P2RY8: variants seen among roughly 807,000 people sequenced by gnomAD.
P2RY8 encodes the protein P2Y receptor family member 8, also known as S-geranylgeranyl-glutathione receptor P2RY8.
Under a neutral mutation model 10.0 loss-of-function variants are expected in P2RY8, and 6 were observed. The observed-to-expected ratio is 0.60, with a 90% CI of 0.33 to 1.19. The LOEUF is 1.19. Ranked by LOEUF, P2RY8 falls within the 50% of genes most tolerant of loss-of-function variation. P2RY8 has a pLI of 0.04. For missense variants in P2RY8, 456 were observed against 542.0 expected (o/e 0.84, Z 1.58); for synonymous variants, 276 against 252.5 (o/e 1.09, Z -0.88).
intron 1 of P2RY8, among the ~76,000 whole-genome samples, chrX:1,499,170 T>G (rs1460237407): frequency 6.9e-6 from 1 of 144,654 alleles, no homozygotes; most frequent in Non-Finnish European, 1.5e-5. Context: ...TTTCTTTTTT[T>G]TTTTTTTTTT....
intron 1 of P2RY8, among the ~76,000 whole-genome samples, chrX:1,504,209 G>A (rs4492546): frequency 0.48 from 72,604 of 150,334 alleles, 19,586 homozygotes; most frequent in Non-Finnish European, 0.61. Flanking sequence ...CCAGCTACTC[G>A]GGAGGCTGAG....
intron 1 of P2RY8, among the ~76,000 whole-genome samples, chrX:1,529,110 G>A (rs1169797121): frequency 6.6e-6 from 1 of 152,174 alleles, no homozygotes; most frequent in Non-Finnish European, 1.5e-5. Flanking sequence ...ACACAGCGGG[G>A]CCCTTGGTCT....
intron 1 of P2RY8, among the ~76,000 whole-genome samples, chrX:1,477,672 C>T (rs186468273): frequency 2.0e-5 from 3 of 152,246 alleles, no homozygotes; most frequent in African/African-American, 4.8e-5. Flanking sequence ...CCCAGGGACA[C>T]TGCTCAACAC....
chrX:1,494,708 C>T (rs1228640886), intron 1 of P2RY8, among the ~76,000 whole-genome samples: 5 of 151,978 alleles, frequency 3.3e-5, no homozygotes, highest in African/African-American at 1.2e-4. Flanking sequence ...TCCATAGTCA[C>T]TATTTGTTTT....
In P2RY8 at chrX:1,525,396, A is replaced by T. The variant is rs1439450226; in HGVS notation, c.-25+11525T>A. ...CTTCTAAGAAGAGACTGGGACGCAG[A>T]CATGCACAGAGGGAAGATTGCTGTG... On this transcript the variant is annotated intron_variant, in intron 1 of 1. Coordinates refer to ENST00000381297, the MANE Select transcript of P2RY8 (RefSeq NM_178129.5). Among the ~76,000 whole-genome samples, 5 of 152,204 alleles carry T rather than the reference A, an allele frequency of 3.3e-5. No individual in the cohort carries two copies. In the East Asian group the frequency reaches 9.6e-4, roughly 29 times the overall value.
At chrX:1,533,532 AT>A (rs2092496610) in intron 1 of P2RY8, among the ~76,000 whole-genome samples, 2 of 122,516 alleles carry the variant, frequency 1.6e-5, no homozygotes, top group Non-Finnish European at 3.4e-5. Context: ...TTTATATTTT[AT>A]TTATTATTTA....
At chrX:1,489,189 A>G (rs369159908) in intron 1 of P2RY8, among the ~76,000 whole-genome samples, 10 of 152,104 alleles carry the variant, frequency 6.6e-5, no homozygotes, top group African/African-American at 2.2e-4. Flanking sequence ...GACACCCAGG[A>G]TTCACTTCGG....
chrX:1,499,266 G>A (rs1401025299), intron 1 of P2RY8, among the ~76,000 whole-genome samples: 4 of 150,070 alleles, frequency 2.7e-5, no homozygotes, highest in Non-Finnish European at 5.9e-5. Flanking sequence ...AGGTTCAAGC[G>A]ATTTTCCTGC....
intron 1 of P2RY8, among the ~76,000 whole-genome samples, chrX:1,523,899 C>T (rs774626105): frequency 6.6e-5 from 10 of 152,222 alleles, no homozygotes; most frequent in Non-Finnish European, 1.5e-4. Flanking sequence ...CCCTGTTGGC[C>T]AGGCTGGTCT....
At chrX:1,530,238 A>T (rs1199929090) in intron 1 of P2RY8, among the ~76,000 whole-genome samples, 1 of 151,232 alleles carries the variant, frequency 6.6e-6, no homozygotes, top group Admixed American at 6.6e-5. Context: ...CTATGTATGT[A>T]TCTATCTATC....
chrX:1,499,080 G>A (rs765325681), intron 1 of P2RY8, among the ~76,000 whole-genome samples: 34 of 151,296 alleles, frequency 2.2e-4, no homozygotes, highest in East Asian at 3.9e-4. Flanking sequence ...TGATCCACCC[G>A]CCTCAGCCTT....
intron 1 of P2RY8, among the ~76,000 whole-genome samples, chrX:1,492,066 C>T (rs1418605984): frequency 6.6e-6 from 1 of 152,198 alleles, no homozygotes; most frequent in Non-Finnish European, 1.5e-5. Flanking sequence ...GCACCCAGCA[C>T]CCCTCGCCCC....
At chrX:1,527,117 A>G (rs2092444620) in intron 1 of P2RY8, among the ~76,000 whole-genome samples, 1 of 152,016 alleles carries the variant, frequency 6.6e-6, no homozygotes, top group South Asian at 2.1e-4. Context: ...CTGGTCTTAA[A>G]TTCCTGACCT....
intron 1 of P2RY8, among the ~76,000 whole-genome samples, chrX:1,507,602 C>T (rs2092246551): frequency 6.6e-6 from 1 of 152,114 alleles, no homozygotes. Flanking sequence ...AGGCTCGGGG[C>T]CGTGACGGCA....
intron 1 of P2RY8, among the ~76,000 whole-genome samples, chrX:1,485,478 A>G (rs1394103031): frequency 6.6e-6 from 1 of 152,048 alleles, no homozygotes; most frequent in Admixed American, 6.6e-5. Flanking sequence ...GTAAATGTGT[A>G]CACATTAAAT....
At chrX:1,466,858 TCTTC>T (rs1280740644) in intron 1 of P2RY8, among the ~76,000 whole-genome samples, 239 of 135,188 alleles carry the variant, frequency 1.8e-3, no homozygotes, top group Non-Finnish European at 2.9e-3. Context: ...TTCCTTCTCT[TCTTC>T]CCTCCTTCCT....
chrX:1,509,647 ATCTG>A (rs1485123214), intron 1 of P2RY8, among the ~76,000 whole-genome samples: 1 of 138,406 alleles, frequency 7.2e-6, no homozygotes, highest in African/African-American at 3.0e-5. Context: ...CTATTCATCC[ATCTG>A]TCTATCCTGT....
intron 1 of P2RY8, among the ~76,000 whole-genome samples, chrX:1,485,670 AATTT>A (rs1227472935): frequency 6.8e-6 from 1 of 148,002 alleles, no homozygotes; most frequent in African/African-American, 2.5e-5. Flanking sequence ...GTTATATAAT[AATTT>A]ATTTACAACT....
intron 1 of P2RY8, among the ~76,000 whole-genome samples, chrX:1,474,832 G>A (rs1231006349): frequency 2.0e-5 from 3 of 148,998 alleles, no homozygotes; most frequent in African/African-American, 7.5e-5. Context: ...ATAGGTGTAT[G>A]GGTGTGTAGA....
Sources: gnomAD v4.1 joint callset for allele counts (sites outside exome capture counted in the v4.1 genomes callset) on GRCh38, gnomAD v4.1.1 for gene constraint, MANE v1.5 for transcripts, NCBI Gene and HGNC (gene_info 2026-07-23, HGNC 2026-07-21) for gene names.